The following ETV1 variants were observed in gnomAD, a reference collection of about 807,000 sequenced individuals.
ETV1 encodes ETS variant transcription factor 1.
Under a neutral mutation model 62.3 loss-of-function variants are expected in ETV1, and 27 were observed. The ratio of observed to expected loss-of-function variants is 0.43; its 90% CI spans 0.32 to 0.60. The LOEUF (loss-of-function observed/expected upper bound fraction) is 0.60, where lower values mean the gene tolerates loss of function less well. Ranked by LOEUF, ETV1 falls within the 20% of genes least tolerant of loss-of-function variation. ETV1 has a pLI of 0.06. For synonymous variants in ETV1, 222 were observed against 199.6 expected (o/e 1.11, Z -0.94); for missense variants, 605 against 605.8 (o/e 1.00, Z 0.01).
chr7:13,987,660 G>A (rs998724190), intron 4 of ETV1, among the ~76,000 whole-genome samples: 1 of 152,114 alleles, frequency 6.6e-6, no homozygotes, highest in Non-Finnish European at 1.5e-5. Context: ...TAGTGTAAAG[G>A]AGGTGGGAAA....
Position 13,909,634 on chromosome 7 carries a change from T to G in ETV1, c.938A>C (p.Asp313Ala). The G allele has an allele frequency of 6.2e-7, 1 of 1,612,410 alleles. No individual in the cohort carries two copies. The highest frequency in any genetic ancestry group is 8.5e-7 in the Non-Finnish European group (1 of 1,178,606). ...TTGAGGCAAAGTGTAAAACCTACCA[T>G]CGAATTTTTCTGGGACAACACAGGT... The part of the protein sequence containing the change: ...DDTCVVPEKF[D>A]GDIKQEPGMY... The change falls in exon 11 of 14, where the codon GAT (aspartate) becomes GCT (alanine). Residue 313 changes from aspartate (D) to alanine (A), a missense_variant and splice_region_variant. By Grantham distance (126) the Asp-to-Ala change is moderately radical. Coordinates refer to ENST00000430479, the MANE Select transcript of ETV1 (RefSeq NM_004956.5).
chr7:13,971,592 G>C (rs908966945), intron 6 of ETV1, among the ~76,000 whole-genome samples: 1 of 152,150 alleles, frequency 6.6e-6, no homozygotes, highest in Admixed American at 6.5e-5. Flanking sequence ...AGAGTTACAA[G>C]GATCTATTCT....
intron 9 of ETV1, among the ~76,000 whole-genome samples, chr7:13,930,472 C>A (rs751705460): frequency 5.9e-5 from 9 of 151,934 alleles, no homozygotes; most frequent in African/African-American, 2.2e-4. Context: ...CAGGCACGTG[C>A]CAGCATGCCC....
At chr7:13,977,654 T>C (rs1297741580) in intron 5 of ETV1, among the ~76,000 whole-genome samples, 174 bp from the exon 6 acceptor site, 2 of 152,062 alleles carry the variant, frequency 1.3e-5, no homozygotes, top group East Asian at 3.9e-4. Flanking sequence ...GGAGGAGAAA[T>C]GGAAGGGGAT....
intron 6 of ETV1, among the ~76,000 whole-genome samples, chr7:13,973,484 T>C (rs969930890): frequency 1.2e-4 from 19 of 152,186 alleles, no homozygotes; most frequent in South Asian, 2.1e-4. Flanking sequence ...AACTTCTGCA[T>C]CCAGAAATCC....
chr7:13,896,438 C>A (rs186555296), intron 13 of ETV1, among the ~76,000 whole-genome samples: 7 of 151,980 alleles, frequency 4.6e-5, no homozygotes, highest in Non-Finnish European at 8.8e-5. Context: ...ATATTGAAAG[C>A]TTTTTTTCTG....
At chr7:13,898,189 GTGCAAAATGCTGTACA>G (rs1333043423) in intron 13 of ETV1, among the ~76,000 whole-genome samples, 1 of 152,124 alleles carries the variant, frequency 6.6e-6, no homozygotes, top group Non-Finnish European at 1.5e-5. Context: ...AAGTACTAAC[GTGCAAAATGCTGTACA>G]TTAAGTATAG....
intron 6 of ETV1, among the ~76,000 whole-genome samples, chr7:13,964,447 G>T (rs1790544305): frequency 6.6e-6 from 1 of 152,092 alleles, no homozygotes; most frequent in Non-Finnish European, 1.5e-5. Context: ...ATGGAAAAAG[G>T]GGGGCACATA....
chr7:13,910,037 T>C (rs1284801058), intron 10 of ETV1, among the ~76,000 whole-genome samples: 1 of 152,236 alleles, frequency 6.6e-6, no homozygotes, highest in African/African-American at 2.4e-5. Flanking sequence ...TCTCCTTTTT[T>C]AGATTCATCT....
Position 13,894,365 on chromosome 7 carries a change from CA to C in ETV1, c.*1500del, listed in dbSNP as rs1781594780. 1 of 232,106 alleles carries C rather than the reference CA, an allele frequency of 4.3e-6. No homozygotes were observed. The highest frequency in any genetic ancestry group is 8.5e-6 in the Non-Finnish European group (1 of 117,244). The allele number at this position is 232,106 out of a possible 1,614,324, so 14.4% of individuals were successfully genotyped here. ...ATTTTCTCCAAATGCAAAGCAAAAA[CA>C]GAACAAAAAACTTTGAAACTTTAAA... On this transcript the variant is annotated 3_prime_UTR_variant, in exon 14 of 14. Transcript: ENST00000430479.
At chr7:13,984,666 A>T (rs1051805761) in intron 5 of ETV1, among the ~76,000 whole-genome samples, 1 of 151,950 alleles carries the variant, frequency 6.6e-6, no homozygotes, top group Non-Finnish European at 1.5e-5. Context: ...TCCACCTGGG[A>T]ATTCATATAA....
chr7:13,892,920 C>A lies in ETV1; in HGVS notation c.*2946G>T, dbSNP rs957487521. 3 of 231,784 alleles carry A rather than the reference C, an allele frequency of 1.3e-5. No homozygotes were observed. The highest frequency in any genetic ancestry group is 4.4e-5 in the African/African-American group (2 of 45,232). 14.4% of individuals were successfully genotyped at this position (231,784 alleles called of 1,614,324 possible). A position where few individuals can be genotyped will look rare whatever the true frequency, so the allele number is the denominator to read the frequency against. On this transcript the variant is annotated 3_prime_UTR_variant, in exon 14 of 14. Coordinates refer to ENST00000430479, the MANE Select transcript of ETV1 (RefSeq NM_004956.5). ...TTCTTTTGAACTTCTGCCTCCAGAA[C>A]TATAAGATAAATTTGTGTAAATTAC... is the stretch of plus-strand genomic sequence containing the variant.
Position 13,891,820 on chromosome 7 carries a change from T to C in ETV1, c.*4046A>G, listed in dbSNP as rs547844895. The stretch of plus-strand genomic sequence containing the variant: ...TTTTTTAATAATTCTATTTCCTCTC[T>C]TCTCCATACCAAATCGCAAATGGAA... On this transcript the variant is annotated 3_prime_UTR_variant, in exon 14 of 14. Transcript: ENST00000430479. The C allele has an allele frequency of 3.0e-5, 7 of 231,894 alleles. No individual in the cohort carries two copies. The East Asian group carries it at 4.3e-4, about 14-fold the overall frequency. The allele number at this position is 231,894 out of a possible 1,614,324, so 14.4% of individuals were successfully genotyped here. A position where few individuals can be genotyped will look rare whatever the true frequency, so the allele number is the denominator to read the frequency against.
intron 12 of ETV1, among the ~76,000 whole-genome samples, chr7:13,901,944 A>T (rs2128408143): frequency 6.6e-6 from 1 of 152,274 alleles, no homozygotes; most frequent in South Asian, 2.1e-4. Context: ...CTTTAAAAAA[A>T]ATCCTCTCTC....
At chr7:13,973,709 A>G (rs1477912719) in intron 6 of ETV1, among the ~76,000 whole-genome samples, 1 of 151,602 alleles carries the variant, frequency 6.6e-6, no homozygotes, top group African/African-American at 2.4e-5. Context: ...TTTTAAAATT[A>G]TTGTGTGTCT....
At position 13,891,338 on chromosome 7, in the gene ETV1, C is replaced by T. The variant is rs1781373792; in HGVS notation, c.*4528G>A. 4.3e-6 allele frequency: 1 copy of T among 230,462 alleles called. No homozygotes were observed. Among genetic ancestry groups the T allele is most frequent in the South Asian group, 1.8e-4 (1 of 5,516 alleles). 14.3% of individuals were successfully genotyped at this position (230,462 alleles called of 1,614,324 possible). ...TCAAACCGTAAGTATAATTTTAATA[C>T]AACCAAGTGAATTAAAAATTTTCTT... On this transcript the variant is annotated 3_prime_UTR_variant, in exon 14 of 14. Transcript: ENST00000430479.
Position 13,896,037 on chromosome 7 carries a change from A to T in ETV1, c.1263T>A (p.Leu421=), listed in dbSNP as rs2128399372. ...VYKFVCDPEA[L]FSMAFPDNQR... is the part of the protein sequence containing the mutation. ...GATTATCTGGAAAGGCCATGGAGAA[A>T]AGGGCTTCTGGATCACACACAAACT... Residue 421 remains leucine (L), a synonymous_variant, in exon 14 of 14, where the codon CTT becomes CTA. Coordinates refer to ENST00000430479, the MANE Select transcript of ETV1 (RefSeq NM_004956.5). 1 of 1,613,796 alleles carries T rather than the reference A, an allele frequency of 6.2e-7. No homozygotes were observed. The highest frequency in any genetic ancestry group is 1.3e-5 in the African/African-American group (1 of 75,040).
chr7:13,924,144 T>C (rs1208027809), intron 9 of ETV1, among the ~76,000 whole-genome samples: 1 of 152,192 alleles, frequency 6.6e-6, no homozygotes, highest in Non-Finnish European at 1.5e-5. Flanking sequence ...TAGTCCCTCA[T>C]AAGCTTACTT....
At chr7:13,942,148 C>T (rs925133392) in intron 6 of ETV1, among the ~76,000 whole-genome samples, 5 of 151,278 alleles carry the variant, frequency 3.3e-5, no homozygotes, top group Non-Finnish European at 7.4e-5. Context: ...CTCAGCCTCC[C>T]GAGTAGCTGG....
Sources: allele counts gnomAD v4.1 joint callset (sites outside exome capture counted in the v4.1 genomes callset), GRCh38; gene constraint gnomAD v4.1.1; transcripts MANE v1.5; gene names NCBI Gene and HGNC (gene_info 2026-07-23, HGNC 2026-07-21).